The following MOB1B variants were observed in gnomAD, a reference collection of about 807,000 sequenced individuals.
MOB1B encodes MOB kinase activator 1B.
Under a neutral mutation model 24.4 loss-of-function variants are expected in MOB1B, and 19 were observed. That is an observed-to-expected ratio of 0.78 (90% confidence interval 0.54 to 1.14). The LOEUF is 1.14. Among genes scored for constraint, MOB1B ranks in the 50% most tolerant of loss-of-function variants. The pLI, the probability that MOB1B is intolerant of heterozygous loss-of-function variation, is 0.00. For synonymous variants in MOB1B, 76 were observed against 82.1 expected (o/e 0.93, Z 0.40); for missense variants, 243 against 259.6 (o/e 0.94, Z 0.44).
chr4:70,936,928 T>A (rs1462197550), intron 1 of MOB1B, among the ~76,000 whole-genome samples: 2 of 151,654 alleles, frequency 1.3e-5, no homozygotes, highest in Non-Finnish European at 2.9e-5. Context: ...TTTTTTTTAA[T>A]TTTTTTGAGA....
At chr4:70,975,975 C>T (rs1738972293) in intron 4 of MOB1B, 1 of 321,384 alleles carries the variant, frequency 3.1e-6, no homozygotes. Context: ...TCTTGGCTCA[C>T]TGCAGCCTCC....
At chr4:70,902,673 C>A in intron 1 of MOB1B, 123 bp downstream of exon 1, 3 of 933,308 alleles carry the variant, frequency 3.2e-6, no homozygotes, top group Non-Finnish European at 2.9e-6. Context: ...CGGGGCCCGG[C>A]GTCACCACCA....
chr4:70,918,634 G>A (rs201404865), intron 1 of MOB1B, among the ~76,000 whole-genome samples: 1 of 149,460 alleles, frequency 6.7e-6, no homozygotes, highest in Non-Finnish European at 1.5e-5. Context: ...CTCCCATTTT[G>A]TAGGTTGCCT....
At chr4:70,937,956 A>G (rs949668252) in intron 1 of MOB1B, among the ~76,000 whole-genome samples, 1 of 151,550 alleles carries the variant, frequency 6.6e-6, no homozygotes, top group Non-Finnish European at 1.5e-5. Flanking sequence ...TCTTTTTTTA[A>G]TGTGGTGTTC....
intron 1 of MOB1B, among the ~76,000 whole-genome samples, chr4:70,952,801 A>C (rs1737864804): frequency 1.3e-5 from 2 of 151,948 alleles, no homozygotes; most frequent in South Asian, 4.1e-4. Context: ...TGTATGTCTT[A>C]AAATATGTGA....
chr4:70,923,201 C>A (rs1158325754), intron 1 of MOB1B, among the ~76,000 whole-genome samples: 3 of 152,176 alleles, frequency 2.0e-5, no homozygotes, highest in Non-Finnish European at 2.9e-5. Flanking sequence ...AGCAGCGTTA[C>A]AACTGCGGGA....
intron 3 of MOB1B, among the ~76,000 whole-genome samples, chr4:70,970,254 C>T (rs1039061134): frequency 3.3e-5 from 5 of 152,146 alleles, no homozygotes; most frequent in African/African-American, 9.6e-5. Flanking sequence ...CTGGAAATAC[C>T]TTGCTGTTCC....
At chr4:70,956,698 G>A (rs574934655) in intron 1 of MOB1B, among the ~76,000 whole-genome samples, 31 of 152,310 alleles carry the variant, frequency 2.0e-4, no homozygotes, top group African/African-American at 6.7e-4. Context: ...GGGATTATAG[G>A]TGTGGGCCAC....
chr4:70,950,593 C>T (rs1261915404), intron 1 of MOB1B: 1 of 489,756 alleles, frequency 2.0e-6, no homozygotes, highest in African/African-American at 1.9e-5. Flanking sequence ...GCTTGTATAT[C>T]AGAGTTACTA....
chr4:70,979,254 T>G lies in MOB1B; in HGVS notation c.536T>G (p.Leu179Arg). 6.2e-7 allele frequency: 1 copy of G among 1,613,874 alleles called. No homozygotes were observed. The highest frequency in any genetic ancestry group is 2.2e-5 in the East Asian group (1 of 44,860). ...ATCCAGCTTCAGGAGGAAGCACATCTAAATACATCTTTCAAGCACTTTATT... is the reference window on the plus strand; with the variant it reads ...ATCCAGCTTCAGGAGGAAGCACATCGAAATACATCTTTCAAGCACTTTATT... ...PVIQLQEEAH[L>R]NTSFKHFIFF... The change falls in exon 5 of 6, where the codon CTA becomes CGA. Residue 179 changes from leucine to arginine, a missense_variant. Coordinates refer to ENST00000309395, the MANE Select transcript of MOB1B (RefSeq NM_173468.4).
chr4:70,952,697 ACCAGATAC>A (rs943578857), intron 1 of MOB1B, among the ~76,000 whole-genome samples: 1 of 151,302 alleles, frequency 6.6e-6, no homozygotes, highest in Non-Finnish European at 1.5e-5. Flanking sequence ...TAATGCTTAT[ACCAGATAC>A]TAGAAACTGT....
rs114607241 is a variant in MOB1B at position 70,976,593 on chromosome 4, G to A, written c.409+1307G>A. 104 of 984,566 alleles carry A rather than the reference G, an allele frequency of 1.1e-4. No individual in the cohort carries two copies. The African/African-American group carries it at 1.8e-3, about 17-fold the overall frequency. 61.0% of individuals were successfully genotyped at this position (984,566 alleles called of 1,614,324 possible). On this transcript the variant is annotated intron_variant, in intron 4 of 5. Coordinates refer to ENST00000309395, the MANE Select transcript of MOB1B (RefSeq NM_173468.4). Reference sequence around the variant, plus strand: ...CTCAAAAAGCTAAGAATCTGCTCCTGTAATGTTAGAACTTTTTGACATTTT... The same window carrying A: ...CTCAAAAAGCTAAGAATCTGCTCCTATAATGTTAGAACTTTTTGACATTTT...
chr4:70,934,469 T>C (rs1230800319), intron 1 of MOB1B, among the ~76,000 whole-genome samples: 1 of 151,874 alleles, frequency 6.6e-6, no homozygotes, highest in African/African-American at 2.4e-5. Context: ...TTTTTTTCTT[T>C]TGAGACCGAG....
intron 1 of MOB1B, among the ~76,000 whole-genome samples, chr4:70,937,333 T>C (rs1737126131): frequency 6.6e-6 from 1 of 152,128 alleles, no homozygotes; most frequent in African/African-American, 2.4e-5. Flanking sequence ...CATAATGGCA[T>C]CCTCTGGCGT....
chr4:70,912,396 C>T (rs1736026979), intron 1 of MOB1B, among the ~76,000 whole-genome samples: 1 of 151,828 alleles, frequency 6.6e-6, no homozygotes, highest in Admixed American at 6.6e-5. Flanking sequence ...TCACCTGCTT[C>T]AGCCTCCCAA....
rs1029505150 is a variant in MOB1B at position 70,975,891 on chromosome 4, T to A, written c.409+605T>A. ...AAACCCTCTATTTTATTTTATTTAT[T>A]TTAATCTAAATTTTTCATTTTTTGG... is the stretch of plus-strand genomic sequence containing the variant. On this transcript the variant is annotated intron_variant, in intron 4 of 5. Coordinates refer to ENST00000309395, the MANE Select transcript of MOB1B (RefSeq NM_173468.4). The A allele has an allele frequency of 1.1e-5, 9 of 803,384 alleles. No individual in the cohort carries two copies. In the Admixed American group the frequency reaches 5.6e-4, roughly 50 times the overall value. The allele number at this position is 803,384 out of a possible 1,614,324, so 49.8% of individuals were successfully genotyped here.
At chr4:70,940,964 C>T (rs1473068869) in intron 1 of MOB1B, among the ~76,000 whole-genome samples, 2 of 152,138 alleles carry the variant, frequency 1.3e-5, no homozygotes, top group Admixed American at 6.5e-5. Flanking sequence ...TGAGCCACCA[C>T]GCCCGGCCCG....
intron 1 of MOB1B, among the ~76,000 whole-genome samples, chr4:70,905,368 C>G (rs540831669): frequency 6.6e-6 from 1 of 151,956 alleles, no homozygotes; most frequent in Non-Finnish European, 1.5e-5. Flanking sequence ...ACCCCCTCCC[C>G]GCTACAAGTA....
chr4:70,953,284 C>T (rs1399112553), intron 1 of MOB1B, among the ~76,000 whole-genome samples: 2 of 152,098 alleles, frequency 1.3e-5, no homozygotes, highest in Non-Finnish European at 2.9e-5. Flanking sequence ...TTATTGACCA[C>T]CACCATTCCC....
Sources: gnomAD v4.1 joint callset for allele counts (sites outside exome capture counted in the v4.1 genomes callset) on GRCh38, gnomAD v4.1.1 for gene constraint, MANE v1.5 for transcripts, NCBI Gene and HGNC (gene_info 2026-07-23, HGNC 2026-07-21) for gene names.